FBXO34: variants seen among roughly 807,000 people sequenced by gnomAD.
FBXO34 encodes the protein F-box protein 34, also known as F-box only protein 34.
FBXO34 carries 12 observed loss-of-function variants against 24.5 expected under a neutral mutation model. The observed-to-expected ratio is 0.49, with a 90% CI of 0.31 to 0.79. The LOEUF (loss-of-function observed/expected upper bound fraction) is 0.79, where lower values mean the gene tolerates loss of function less well. Ranked by LOEUF, FBXO34 falls within the 30% of genes least tolerant of loss-of-function variation. FBXO34 has a pLI of 0.04. For synonymous variants in FBXO34, 320 were observed against 311.9 expected, an observed-to-expected ratio of 1.03 and a Z score of -0.27; for missense variants, 823 against 857.7, an observed-to-expected ratio of 0.96 and a Z score of 0.51.
chr14:55,332,024 A>G (rs1019252026), intron 1 of FBXO34, among the ~76,000 whole-genome samples: 1 of 65,946 alleles, frequency 1.5e-5, no homozygotes, highest in African/African-American at 4.6e-5. Flanking sequence ...ATATATATAT[A>G]CCACCGTGGT....
chr14:55,439,930 C>CAAAAAAAAA, the FBXO34 span, among the ~76,000 whole-genome samples: 890 of 39,116 alleles, frequency 0.023, 110 homozygotes, highest in African/African-American at 0.079. Context: ...GACTCTGTCT[C>CAAAAAAAAA]AAAAAAAAAA....
chr14:55,314,060 C>G (rs1594745869), intron 1 of FBXO34, among the ~76,000 whole-genome samples: 1 of 152,082 alleles, frequency 6.6e-6, no homozygotes, highest in African/African-American at 2.4e-5. Context: ...TGCCACCATC[C>G]CTGGCAATTT....
chr14:55,385,421 T>C, the FBXO34 span, among the ~76,000 whole-genome samples: 1 of 152,142 alleles, frequency 6.6e-6, no homozygotes, highest in Non-Finnish European at 1.5e-5. Context: ...GCCACCTGAG[T>C]AGCTGGGACT....
chr14:55,350,619 A>T lies in FBXO34; in HGVS notation c.229A>T (p.Ser77Cys). The T allele has an allele frequency of 6.2e-7, 1 of 1,612,490 alleles. No homozygotes were observed. Among genetic ancestry groups the T allele is most frequent in the Non-Finnish European group, 8.5e-7 (1 of 1,179,548 alleles). Residue 77 changes from serine to cysteine, a missense_variant, in exon 2 of 2, where the codon AGT becomes TGT. Around this residue, in one of 2 missense-constraint regions of FBXO34, gnomAD observed 693 missense variants for 659.1 expected, o/e 1.05. Coordinates refer to ENST00000313833, the MANE Select transcript of FBXO34 (RefSeq NM_017943.4). ...TGTTCTGTGCAGTATGAGTGGGAAG[A>T]GTCCTGTAGAGAGCAGCTTGAATGT... ...PNVLCSMSGK[S>C]PVESSLNVKT...
downstream of FBXO34, among the ~76,000 whole-genome samples, chr14:55,371,794 ACT>A (rs1163399698): frequency 4.0e-5 from 6 of 150,174 alleles, no homozygotes; most frequent in East Asian, 5.9e-4. Context: ...ACAGAGCGAG[ACT>A]CTGTCTCAAA....
chr14:55,319,742 C>T (rs1337558454), intron 1 of FBXO34, among the ~76,000 whole-genome samples: 2 of 152,172 alleles, frequency 1.3e-5, no homozygotes, highest in African/African-American at 4.8e-5. Flanking sequence ...GTGGCGCAAT[C>T]TCGGCTCACT....
the FBXO34 span, among the ~76,000 whole-genome samples, chr14:55,393,625 A>G: frequency 6.6e-6 from 1 of 150,770 alleles, no homozygotes; most frequent in African/African-American, 2.4e-5. Flanking sequence ...AGCTCACTTC[A>G]GCCTGACCTC....
At chr14:55,419,069 A>G in the FBXO34 span, among the ~76,000 whole-genome samples, 1 of 152,230 alleles carries the variant, frequency 6.6e-6, no homozygotes, top group African/African-American at 2.4e-5. Context: ...CTGCTAAGAG[A>G]ATCTTAATCA....
rs1435041007 is a variant in FBXO34, at chr14:55,352,596, GAGCGT to G, written c.*74_*78del. On this transcript the variant is annotated 3_prime_UTR_variant, in exon 2 of 2. Transcript: ENST00000313833. Reference sequence around the variant, plus strand: ...AAACACCTAGATACACCGTTCAAATGAGCGTAGCCCCCTGAGTCATCACTCTAGAA... The same window carrying G: ...AAACACCTAGATACACCGTTCAAATGAGCCCCCTGAGTCATCACTCTAGAA... The G allele has an allele frequency of 3.9e-6, 5 of 1,280,584 alleles. No individual in the cohort carries two copies. Among genetic ancestry groups the G allele is most frequent in the Non-Finnish European group, 5.4e-6 (5 of 931,420 alleles). 79.3% of individuals were successfully genotyped at this position (1,280,584 alleles called of 1,614,324 possible). A position where few individuals can be genotyped will look rare whatever the true frequency, so the allele number is the denominator to read the frequency against.
At chr14:55,426,203 G>T in the FBXO34 span, among the ~76,000 whole-genome samples, 180 of 151,776 alleles carry the variant, frequency 1.2e-3, 1 homozygote, top group African/African-American at 4.1e-3. Context: ...GGGGGGTGGA[G>T]GTTGCAGTGA....
the FBXO34 span, among the ~76,000 whole-genome samples, chr14:55,418,006 G>A: frequency 3.3e-5 from 5 of 152,312 alleles, no homozygotes; most frequent in African/African-American, 7.2e-5. Flanking sequence ...GTAGAGTTGT[G>A]ATAAAGGATG....
intron 1 of FBXO34, among the ~76,000 whole-genome samples, chr14:55,346,045 A>C (rs1393632771): frequency 6.6e-6 from 1 of 152,178 alleles, no homozygotes; most frequent in Non-Finnish European, 1.5e-5. Flanking sequence ...GAGTAGAAGG[A>C]AATGAACATT....
intron 1 of FBXO34, among the ~76,000 whole-genome samples, chr14:55,340,033 C>G (rs1883937163): frequency 6.6e-6 from 1 of 152,176 alleles, no homozygotes; most frequent in South Asian, 2.1e-4. Flanking sequence ...CTTGCCAAGT[C>G]TTTTGTCTAC....
the FBXO34 span, chr14:55,395,939 C>A: frequency 1.3e-6 from 2 of 1,587,028 alleles, no homozygotes; most frequent in Non-Finnish European, 1.7e-6. Flanking sequence ...TTACAACTTA[C>A]CAACTGATCT....
At chr14:55,407,425 G>A in the FBXO34 span, among the ~76,000 whole-genome samples, 132 of 151,746 alleles carry the variant, frequency 8.7e-4, no homozygotes, top group Middle Eastern at 3.4e-3. Context: ...CACTGCCCCC[G>A]GCCTCATTTT....
intron 1 of FBXO34, among the ~76,000 whole-genome samples, chr14:55,314,220 T>G (rs899102887): frequency 1.3e-5 from 2 of 152,022 alleles, no homozygotes; most frequent in Non-Finnish European, 2.9e-5. Context: ...CCTGAAAACC[T>G]GTAATTTAGT....
intron 1 of FBXO34, among the ~76,000 whole-genome samples, chr14:55,347,540 G>A (rs939595358): frequency 2.6e-5 from 4 of 152,138 alleles, no homozygotes; most frequent in African/African-American, 9.7e-5. Context: ...GTGCCTAAAT[G>A]TCCTGCTTCT....
At chr14:55,339,223 A>G (rs968852666) in intron 1 of FBXO34, among the ~76,000 whole-genome samples, 3 of 152,244 alleles carry the variant, frequency 2.0e-5, no homozygotes, top group Non-Finnish European at 1.5e-5. Context: ...ACACATTTAC[A>G]ATATTGGTTT....
downstream of FBXO34, among the ~76,000 whole-genome samples, chr14:55,358,484 C>T (rs1377043184): frequency 6.6e-6 from 1 of 152,212 alleles, no homozygotes; most frequent in Non-Finnish European, 1.5e-5. Flanking sequence ...GCCTCAGCCA[C>T]TTCTCAGGAC....
Sources: gnomAD v4.1 joint callset for allele counts (sites outside exome capture counted in the v4.1 genomes callset) on GRCh38, gnomAD v4.1.1 for gene constraint, gnomAD v4.1.1 regional missense constraint, MANE v1.5 for transcripts, NCBI Gene and HGNC (gene_info 2026-07-23, HGNC 2026-07-21) for gene names.